The following RPL35A variants were observed in gnomAD, a reference collection of about 807,000 sequenced individuals.
RPL35A encodes ribosomal protein L35a.
A neutral mutation model predicts 16.7 loss-of-function variants in RPL35A; 1 was observed. That is an observed-to-expected ratio of 0.06 (90% CI 0.02 to 0.28). The LOEUF is 0.28. Ranked by LOEUF, RPL35A falls within the 10% of genes least tolerant of loss-of-function variation. The pLI, the probability that RPL35A is intolerant of heterozygous loss-of-function variation, is 1.00. For synonymous variants in RPL35A, 58 were observed against 47.0 expected, an observed-to-expected ratio of 1.23 and a Z score of -0.96; for missense variants, 91 against 138.7, an observed-to-expected ratio of 0.66 and a Z score of 1.73.
intron 4 of RPL35A, 43 bp from the exon 5 acceptor site, chr3:197,955,707 A>G (rs776675484): frequency 1.3e-6 from 2 of 1,508,464 alleles, no homozygotes; most frequent in Non-Finnish European, 1.8e-6. Flanking sequence ...GTAGACGTAT[A>G]TATAACATTC....
At chr3:197,954,746 G>A (rs942589761) in intron 4 of RPL35A, among the ~76,000 whole-genome samples, 6 of 152,128 alleles carry the variant, frequency 3.9e-5, no homozygotes, top group African/African-American at 1.2e-4. Context: ...GAGCCCAAGT[G>A]ATCTGCCCAC....
rs1190191607 is a variant in RPL35A at position 197,956,105 on chromosome 3, T to A, written c.*332T>A. ...TGAAGTAGCTGGGACCACAGGCTCA[T>A]GCCACCATCCCTGGGTCATTTTTAA... On this transcript the variant is annotated 3_prime_UTR_variant, in exon 5 of 5. Transcript: ENST00000647248. 6.3e-6 allele frequency: 2 copies of A among 315,906 alleles called. No individual in the cohort carries two copies. Among genetic ancestry groups the A allele is most frequent in the Non-Finnish European group, 6.1e-6 (1 of 163,814 alleles). 19.6% of individuals were successfully genotyped at this position (315,906 alleles called of 1,614,324 possible).
chr3:197,954,438 A>G lies in RPL35A; in HGVS notation c.309+291A>G, dbSNP rs532474917. The G allele has an allele frequency of 2.3e-5, 10 of 442,398 alleles. No homozygotes were observed. The East Asian group carries it at 2.4e-4, about 10-fold the overall frequency. The allele number at this position is 442,398 out of a possible 1,614,324, so 27.4% of individuals were successfully genotyped here. A position where few individuals can be genotyped will look rare whatever the true frequency, so the allele number is the denominator to read the frequency against. On this transcript the variant is annotated intron_variant, in intron 4 of 4. Transcript: ENST00000647248. ...AGCCTCGACCTCCTGGGTTCAAGCA[A>G]TCCTTCCACCTCAGCCCCCCAAGTA...
chr3:197,953,520 C>T (rs1720290503), intron 3 of RPL35A: 2 of 457,160 alleles, frequency 4.4e-6, no homozygotes, highest in South Asian at 1.5e-5. Flanking sequence ...TTCAGTCTTT[C>T]TTCCGGCCAG....
At chr3:197,951,381 T>G in intron 3 of RPL35A, 70 bp downstream of exon 3, 1 of 1,519,158 alleles carries the variant, frequency 6.6e-7, no homozygotes, top group Non-Finnish European at 9.1e-7. Context: ...TATAACGGAG[T>G]CTTGCTCTGT....
chr3:197,954,175 G>T (rs771155119), intron 4 of RPL35A, 28 bp downstream of exon 4: 1 of 1,612,946 alleles, frequency 6.2e-7, no homozygotes. Flanking sequence ...CAAAATGGAC[G>T]TCTGATGAAT....
At position 197,951,145 on chromosome 3, in the gene RPL35A, C is replaced by G. The variant is rs1560120110; in HGVS notation, c.12-14C>G. 6.2e-7 allele frequency: 1 copy of G among 1,613,900 alleles called. No homozygotes were observed. ...GAAGCTTATGTTTCATGTTGTGTATCTTTTGTGTCTTAGGCTGTGGTCCAA... is the reference window on the plus strand; with the variant it reads ...GAAGCTTATGTTTCATGTTGTGTATGTTTTGTGTCTTAGGCTGTGGTCCAA... On this transcript the variant is annotated splice_polypyrimidine_tract_variant and intron_variant, in intron 2 of 4. Transcript: ENST00000647248.
chr3:197,953,732 C>G (rs1720308773), intron 3 of RPL35A: 1 of 528,364 alleles, frequency 1.9e-6, no homozygotes, highest in Non-Finnish European at 3.4e-6. Flanking sequence ...AATATTGCCT[C>G]TGTTATCATC....
intron 4 of RPL35A, 115 bp downstream of exon 4, chr3:197,954,262 T>A: frequency 9.7e-7 from 1 of 1,027,418 alleles, no homozygotes; most frequent in Non-Finnish European, 1.5e-6. Context: ...TAAATTATGC[T>A]GCAAAATTTG....
intron 2 of RPL35A, 81 bp downstream of exon 2, chr3:197,951,059 CTT>C (rs1720030875): frequency 6.2e-7 from 1 of 1,603,496 alleles, no homozygotes; most frequent in African/African-American, 1.3e-5. Flanking sequence ...CAAGAAAAAA[CTT>C]AGATGTTTGC....
intron 3 of RPL35A, 89 bp downstream of exon 3, chr3:197,951,400 C>T: frequency 7.0e-7 from 1 of 1,422,572 alleles, no homozygotes; most frequent in Non-Finnish European, 9.9e-7. Context: ...GTTGCCGAGG[C>T]TGGAATGCAG....
chr3:197,956,591 A>C lies in RPL35A; in HGVS notation c.*818A>C, dbSNP rs548016266. The stretch of plus-strand genomic sequence containing the variant: ...TTAGATTTCTTGGGGATATGCTAAA[A>C]TAAAACAACTAAGGCATCAGTTTTG... On this transcript the variant is annotated 3_prime_UTR_variant, in exon 5 of 5. Coordinates refer to ENST00000647248, the MANE Select transcript of RPL35A (RefSeq NM_000996.4). 4 of 151,834 alleles carry C rather than the reference A, an allele frequency of 2.6e-5. No individual in the cohort carries two copies. The highest frequency in any genetic ancestry group is 1.3e-4 in the Admixed American group (2 of 15,258). 9.4% of individuals were successfully genotyped at this position (151,834 alleles called of 1,614,324 possible). A position where few individuals can be genotyped will look rare whatever the true frequency, so the allele number is the denominator to read the frequency against.
At position 197,955,991 on chromosome 3, in the gene RPL35A, C is replaced by T; in HGVS notation, c.*218C>T. 1 of 548,902 alleles carries T rather than the reference C, an allele frequency of 1.8e-6. No homozygotes were observed. The highest frequency in any genetic ancestry group is 3.3e-6 in the Non-Finnish European group (1 of 303,482). The allele number at this position is 548,902 out of a possible 1,614,324, so 34.0% of individuals were successfully genotyped here. ...CGGGTTTTAATGCGAGTATCTTTGA[C>T]AGAGTCTTGCTCTGTTGCCCATGCT... is the stretch of plus-strand genomic sequence containing the variant. On this transcript the variant is annotated 3_prime_UTR_variant, in exon 5 of 5. Transcript: ENST00000647248.
In RPL35A at chr3:197,956,151, G is replaced by A. The variant is rs1720507563; in HGVS notation, c.*378G>A. 1 of 267,416 alleles carries A rather than the reference G, an allele frequency of 3.7e-6. No homozygotes were observed. Among genetic ancestry groups the A allele is most frequent in the Non-Finnish European group, 7.4e-6 (1 of 135,514 alleles). The allele number at this position is 267,416 out of a possible 1,614,324, so 16.6% of individuals were successfully genotyped here. A position where few individuals can be genotyped will look rare whatever the true frequency, so the allele number is the denominator to read the frequency against. On this transcript the variant is annotated 3_prime_UTR_variant, in exon 5 of 5. Transcript: ENST00000647248. ...TTTAAATTTTTTGTAGAGAGGGTCT[G>A]ACTCTTGCCTATGCTGGCTTCAAAC...
chr3:197,953,279 G>A (rs1193394477), intron 3 of RPL35A, among the ~76,000 whole-genome samples: 1 of 152,202 alleles, frequency 6.6e-6, no homozygotes, highest in Non-Finnish European at 1.5e-5. Flanking sequence ...GAGAGCCCTA[G>A]GTGGGAGGAT....
At chr3:197,951,349 A>G in intron 3 of RPL35A, 38 bp downstream of exon 3, 4 of 1,605,500 alleles carry the variant, frequency 2.5e-6, no homozygotes, top group Non-Finnish European at 3.4e-6. Flanking sequence ...GGTTTTTGAG[A>G]TCTGCCTCAT....
rs1720492355 is a variant in RPL35A at position 197,955,945 on chromosome 3, G to C, written c.*172G>C. On this transcript the variant is annotated 3_prime_UTR_variant, in exon 5 of 5. Transcript: ENST00000647248. The stretch of plus-strand genomic sequence containing the variant: ...ACATGTGATGAAAATTACAGGGCGA[G>C]TACAGAGATTTAGAAGGGAACGGGT... 3.1e-6 allele frequency: 2 copies of C among 639,178 alleles called. No individual in the cohort carries two copies. Among genetic ancestry groups the C allele is most frequent in the South Asian group, 3.4e-5 (2 of 58,844 alleles). The allele number at this position is 639,178 out of a possible 1,614,324, so 39.6% of individuals were successfully genotyped here.
intron 1 of RPL35A, 161 bp from the exon 2 acceptor site, chr3:197,950,775 C>A: frequency 1.5e-6 from 1 of 645,708 alleles, no homozygotes; most frequent in Non-Finnish European, 2.7e-6. Context: ...AATGTCTTGC[C>A]GGACCCTGCG....
At chr3:197,953,418 C>T (rs995757333) in intron 3 of RPL35A, 6 of 456,570 alleles carry the variant, frequency 1.3e-5, no homozygotes, top group South Asian at 3.1e-5. Context: ...GTACATTGCT[C>T]GAACCACAGT....
Sources: gnomAD v4.1 joint callset for allele counts (sites outside exome capture counted in the v4.1 genomes callset) on GRCh38, gnomAD v4.1.1 for gene constraint, MANE v1.5 for transcripts, NCBI Gene and HGNC (gene_info 2026-07-23, HGNC 2026-07-21) for gene names.